The following ANKFN1 variants were observed in gnomAD, a reference collection of about 807,000 sequenced individuals.
ANKFN1 encodes ankyrin repeat and fibronectin type III domain containing 1, also known as ankyrin repeat and fibronectin type-III domain-containing protein 1.
In ANKFN1, 74 loss-of-function variants were observed where a neutral mutation model predicts 108.7. That is an observed-to-expected ratio of 0.68 (90% confidence interval 0.56 to 0.83). ANKFN1 has a LOEUF of 0.83. Among genes scored for constraint, ANKFN1 ranks in the 40% least tolerant of loss-of-function variants. The pLI is 0.00. For synonymous variants in ANKFN1, 547 were observed against 516.2 expected (o/e 1.06, Z -0.81); for missense variants, 1,505 against 1,382.3 (o/e 1.09, Z -1.41).
Position 56,456,913 on chromosome 17 carries a change from G to GA in ANKFN1, c.1263dup (p.His422ThrfsTer34), listed in dbSNP as rs1391280803. ...GCAAGCAGTCAGTCTCAAGAAGCCT[G>GA]AAACACCTGTTCCATTCCTCGAACA... is the stretch of plus-strand genomic sequence containing the variant. On this transcript the variant is annotated frameshift_variant, in exon 12 of 21. Coordinates refer to ENST00000682825, the MANE Select transcript of ANKFN1 (RefSeq NM_001370326.1). LOFTEE classifies it high-confidence loss of function. 1.2e-6 allele frequency: 2 copies of GA among 1,614,128 alleles called. No individual in the cohort carries two copies. Among genetic ancestry groups the GA allele is most frequent in the South Asian group, 1.1e-5 (1 of 91,066 alleles).
upstream of ANKFN1, among the ~76,000 whole-genome samples, chr17:56,149,046 A>C (rs1908437605): frequency 2.0e-5 from 3 of 152,170 alleles, no homozygotes; most frequent in Admixed American, 6.5e-5. Flanking sequence ...TCAAGACATA[A>C]ACTTGGGTCT....
chr17:56,287,158 G>A (rs2044240702), intron 3 of ANKFN1, among the ~76,000 whole-genome samples: 1 of 152,136 alleles, frequency 6.6e-6, no homozygotes, highest in African/African-American at 2.4e-5. Context: ...AGGACATACC[G>A]AGAGGTAAAT....
At chr17:56,265,559 A>AG (rs2043627415) in intron 3 of ANKFN1, among the ~76,000 whole-genome samples, 1 of 152,170 alleles carries the variant, frequency 6.6e-6, no homozygotes, top group Non-Finnish European at 1.5e-5. Context: ...GGCTGTGGTT[A>AG]GAGATTTCGG....
intron 20 of ANKFN1, among the ~76,000 whole-genome samples, chr17:56,504,642 G>C (rs1159344130): frequency 2.6e-5 from 4 of 151,694 alleles, no homozygotes; most frequent in African/African-American, 9.7e-5. Context: ...CTGTTTTTAA[G>C]GCACTTAAAG....
chr17:56,236,655 C>G (rs1412676561), intron 3 of ANKFN1, among the ~76,000 whole-genome samples: 1 of 152,170 alleles, frequency 6.6e-6, no homozygotes, highest in Non-Finnish European at 1.5e-5. Flanking sequence ...GTTTGACTTC[C>G]TCTCCTCCTA....
At chr17:56,426,317 C>A (rs2048567945) in intron 8 of ANKFN1, among the ~76,000 whole-genome samples, 1 of 152,214 alleles carries the variant, frequency 6.6e-6, no homozygotes, top group Non-Finnish European at 1.5e-5. Flanking sequence ...TTCCAAATAG[C>A]AGTCTTGTTC....
chr17:56,335,458 C>A (rs1045353247), intron 4 of ANKFN1, among the ~76,000 whole-genome samples: 1 of 151,912 alleles, frequency 6.6e-6, no homozygotes, highest in Non-Finnish European at 1.5e-5. Context: ...TGGATTCCTA[C>A]ATATTTTATT....
At chr17:56,051,908 A>T (rs1434612937) in intron 4 of ANKFN1, among the ~76,000 whole-genome samples, 1 of 150,020 alleles carries the variant, frequency 6.7e-6, no homozygotes, top group East Asian at 2.0e-4. Context: ...CACTGCTCAA[A>T]GAAATAAAAG....
chr17:56,421,912 G>C (rs1332551550), intron 8 of ANKFN1, among the ~76,000 whole-genome samples: 2 of 152,102 alleles, frequency 1.3e-5, no homozygotes. Context: ...ACGAGCTAAG[G>C]GGGGATATAA....
intron 3 of ANKFN1, among the ~76,000 whole-genome samples, chr17:56,264,098 G>A (rs2043589015): frequency 6.6e-6 from 1 of 152,186 alleles, no homozygotes; most frequent in South Asian, 2.1e-4. Context: ...TCCTATAGGA[G>A]CTGTCCACCA....
intron 14 of ANKFN1, among the ~76,000 whole-genome samples, chr17:56,462,596 C>T (rs2049942350): frequency 6.6e-6 from 1 of 151,670 alleles, no homozygotes; most frequent in Non-Finnish European, 1.5e-5. Flanking sequence ...CTCTGTCTCA[C>T]AAAAAAATAA....
intron 4 of ANKFN1, among the ~76,000 whole-genome samples, chr17:56,077,813 G>T (rs1033620921): frequency 6.6e-6 from 1 of 151,968 alleles, no homozygotes; most frequent in Admixed American, 6.6e-5. Context: ...AGTTTCCTGT[G>T]ATATCACCTC....
At chr17:56,094,476 T>A (rs1208829149) in intron 4 of ANKFN1, among the ~76,000 whole-genome samples, 1 of 21,050 alleles carries the variant, frequency 4.8e-5, no homozygotes, top group African/African-American at 1.0e-3. Context: ...TGTTTCTTCT[T>A]TTTTTTTTTT....
intron 8 of ANKFN1, among the ~76,000 whole-genome samples, chr17:56,438,567 A>AT (rs561116534): frequency 7.9e-5 from 12 of 151,904 alleles, no homozygotes; most frequent in Admixed American, 7.2e-4. Context: ...TAGTAAAAGG[A>AT]TTTTTTTTCT....
intron 8 of ANKFN1, among the ~76,000 whole-genome samples, chr17:56,434,465 A>T (rs2048867596): frequency 6.6e-6 from 1 of 152,128 alleles, no homozygotes; most frequent in South Asian, 2.1e-4. Flanking sequence ...TTTCTAGGGA[A>T]ATTTAATTTG....
intron 8 of ANKFN1, among the ~76,000 whole-genome samples, chr17:56,428,921 T>C (rs1473686981): frequency 1.3e-5 from 2 of 152,112 alleles, no homozygotes; most frequent in Non-Finnish European, 2.9e-5. Context: ...TCTCATTTTA[T>C]TCATTCAATA....
At chr17:56,316,753 C>A (rs907643956) in intron 3 of ANKFN1, among the ~76,000 whole-genome samples, 4 of 152,112 alleles carry the variant, frequency 2.6e-5, no homozygotes, top group Admixed American at 6.6e-5. Context: ...CCAAAGCTAT[C>A]CAGATTCCTC....
intron 3 of ANKFN1, among the ~76,000 whole-genome samples, chr17:56,318,332 C>T (rs1048884895): frequency 6.6e-6 from 1 of 152,124 alleles, no homozygotes; most frequent in Non-Finnish European, 1.5e-5. Context: ...GAAATATGAG[C>T]ATGCATAGCA....
intron 4 of ANKFN1, among the ~76,000 whole-genome samples, chr17:56,121,899 C>A (rs1457855383): frequency 6.6e-6 from 1 of 152,100 alleles, no homozygotes; most frequent in Admixed American, 6.6e-5. Context: ...TGGATCATGA[C>A]AAAGTTAGAC....
Sources: gnomAD v4.1 joint callset for allele counts (sites outside exome capture counted in the v4.1 genomes callset) on GRCh38, gnomAD v4.1.1 for gene constraint, MANE v1.5 for transcripts, NCBI Gene and HGNC (gene_info 2026-07-23, HGNC 2026-07-21) for gene names.